The following ARSB variants were observed in gnomAD, a reference collection of about 807,000 sequenced individuals.
The protein encoded by ARSB is N-acetylgalactosamine-4-sulfatase.
In ARSB, 41 loss-of-function variants were observed where a neutral mutation model predicts 50.9. The observed-to-expected ratio is 0.81, with a 90% CI of 0.63 to 1.04. The LOEUF (loss-of-function observed/expected upper bound fraction) is 1.04. Among genes scored for constraint, ARSB ranks in the 50% least tolerant of loss-of-function variants. The probability of loss-of-function intolerance (pLI) is 0.00; values close to 1 mark genes in which losing one functional copy is unlikely to be tolerated. For missense variants in ARSB, 672 were observed against 693.3 expected (o/e 0.97, Z 0.35); for synonymous variants, 269 against 284.8 (o/e 0.94, Z 0.56).
intron 3 of ARSB, among the ~76,000 whole-genome samples, chr5:78,960,958 G>A (rs1215992866): frequency 6.6e-6 from 1 of 152,210 alleles, no homozygotes; most frequent in Non-Finnish European, 1.5e-5. Flanking sequence ...CTGAAAAAGA[G>A]AAAGAAGGTT....
intron 5 of ARSB, among the ~76,000 whole-genome samples, chr5:78,864,711 T>A (rs1311624048): frequency 6.6e-6 from 1 of 152,246 alleles, no homozygotes; most frequent in African/African-American, 2.4e-5. Flanking sequence ...CTTATGCCTA[T>A]GAGCCTGTAA....
chr5:78,968,028 T>G (rs1202588634), intron 2 of ARSB, among the ~76,000 whole-genome samples: 5 of 152,152 alleles, frequency 3.3e-5, no homozygotes, highest in African/African-American at 1.2e-4. Flanking sequence ...TAAAACAAAC[T>G]CTAGGTTTCA....
intron 6 of ARSB, among the ~76,000 whole-genome samples, chr5:78,795,973 G>A (rs1232441638): frequency 6.6e-6 from 1 of 152,234 alleles, no homozygotes; most frequent in African/African-American, 2.4e-5. Flanking sequence ...TGCATAGTAA[G>A]TATTCAGAGA....
chr5:78,922,181 G>A (rs1749846553), intron 4 of ARSB, among the ~76,000 whole-genome samples: 1 of 145,420 alleles, frequency 6.9e-6, no homozygotes, highest in Non-Finnish European at 1.5e-5. Flanking sequence ...ACCATGCTGG[G>A]CTTAGAGCCA....
At chr5:78,851,061 C>T (rs1198853650) in intron 5 of ARSB, among the ~76,000 whole-genome samples, 1 of 152,212 alleles carries the variant, frequency 6.6e-6, no homozygotes, top group Non-Finnish European at 1.5e-5. Flanking sequence ...CTATCTCCTT[C>T]AGTTCTGCTC....
intron 4 of ARSB, among the ~76,000 whole-genome samples, chr5:78,950,802 C>T (rs1447034611): frequency 2.0e-5 from 3 of 152,220 alleles, no homozygotes; most frequent in African/African-American, 7.2e-5. Flanking sequence ...GACGGCCACA[C>T]ATTCTGTGTG....
rs1751683838 is a variant in ARSB, at chr5:78,955,501, G to A, written c.692C>T (p.Pro231Leu). 1.9e-6 allele frequency: 3 copies of A among 1,613,730 alleles called. No individual in the cohort carries two copies. Among genetic ancestry groups the A allele is most frequent in the Non-Finnish European group, 2.5e-6 (3 of 1,179,842 alleles). Residue 231 changes from proline (P) to leucine (L), a missense_variant and splice_region_variant, in exon 4 of 8, where the codon CCT (proline) becomes CTT (leucine). Physicochemically the swap from Pro to Leu is moderately conservative, Grantham distance 98. Transcript: ENST00000264914. ...CTGGAGAGCAAGGTAGAGAAACAGA[G>A]GCTGGAAAGAAAGTTTGTGCAAACC... ...ALITNHPPEK[P>L]LFLYLALQSV...
intron 6 of ARSB, among the ~76,000 whole-genome samples, chr5:78,814,250 G>C (rs1263710906): frequency 6.0e-5 from 9 of 150,970 alleles, no homozygotes; most frequent in Non-Finnish European, 1.3e-4. Flanking sequence ...ATGCCATTTG[G>C]AGTCTATACA....
At chr5:78,972,715 G>A (rs1752508064) in intron 1 of ARSB, among the ~76,000 whole-genome samples, 1 of 152,184 alleles carries the variant, frequency 6.6e-6, no homozygotes, top group African/African-American at 2.4e-5. Flanking sequence ...TAAATGCTCT[G>A]CGAAAATTCC....
At chr5:78,972,825 G>A (rs769139180) in intron 1 of ARSB, among the ~76,000 whole-genome samples, 12 of 152,164 alleles carry the variant, frequency 7.9e-5, no homozygotes, top group Admixed American at 5.2e-4. Context: ...CTAAGCCGTG[G>A]GCACCAAGCC....
chr5:78,788,256 T>C (rs1238889030), intron 6 of ARSB, among the ~76,000 whole-genome samples: 1 of 152,198 alleles, frequency 6.6e-6, no homozygotes, highest in Non-Finnish European at 1.5e-5. Flanking sequence ...GTATTGATTT[T>C]GGATGGGAAA....
chr5:78,931,186 G>A (rs561297255), intron 4 of ARSB, among the ~76,000 whole-genome samples: 135 of 152,314 alleles, frequency 8.9e-4, no homozygotes, highest in African/African-American at 3.1e-3. Flanking sequence ...CACAAGGAGA[G>A]TAAAATGGGA....
rs77073236 is a variant in ARSB, at chr5:78,799,962, G to A, written c.1214-17988C>T. Among the ~76,000 whole-genome samples, 221 of 152,270 alleles carry A rather than the reference G, an allele frequency of 1.5e-3. 7 individuals carry two copies. The East Asian group carries it at 0.038, about 26-fold the overall frequency. On this transcript the variant is annotated intron_variant, in intron 6 of 7. Transcript: ENST00000264914. ...AAGAAGGATTGTGAATGAAAAAGTG[G>A]GAATATTTGTAAGCAAACAATCTGT...
intron 2 of ARSB, among the ~76,000 whole-genome samples, chr5:78,967,000 C>A (rs748904289): frequency 1.4e-4 from 21 of 151,306 alleles, no homozygotes; most frequent in Non-Finnish European, 2.6e-4. Flanking sequence ...GGGGCACACA[C>A]ACCCTCCTGT....
intron 6 of ARSB, among the ~76,000 whole-genome samples, chr5:78,838,224 G>A (rs1439070225): frequency 6.6e-6 from 1 of 152,170 alleles, no homozygotes; most frequent in Non-Finnish European, 1.5e-5. Flanking sequence ...CTGGGGCTCT[G>A]GAAAGCATTC....
chr5:78,824,631 A>G (rs1476725442), intron 6 of ARSB, among the ~76,000 whole-genome samples: 1 of 152,198 alleles, frequency 6.6e-6, no homozygotes, highest in Non-Finnish European at 1.5e-5. Flanking sequence ...AGTTCCTAGG[A>G]TATACAGGAA....
intron 6 of ARSB, among the ~76,000 whole-genome samples, chr5:78,827,028 C>T (rs1419154195): frequency 1.3e-5 from 2 of 152,122 alleles, no homozygotes; most frequent in Non-Finnish European, 2.9e-5. Flanking sequence ...CAGCTGCATA[C>T]CTAGAACAGA....
At chr5:78,933,203 A>C (rs187402163) in intron 4 of ARSB, among the ~76,000 whole-genome samples, 2 of 152,328 alleles carry the variant, frequency 1.3e-5, no homozygotes, top group Non-Finnish European at 2.9e-5. Flanking sequence ...AAAAAGTATT[A>C]ATGCAAGTTC....
chr5:78,834,054 A>G (rs1484518623), intron 6 of ARSB, among the ~76,000 whole-genome samples: 1 of 152,164 alleles, frequency 6.6e-6, no homozygotes, highest in Non-Finnish European at 1.5e-5. Context: ...TGACTTTGAC[A>G]GGTTGATCTG....
Sources: allele counts gnomAD v4.1 joint callset (sites outside exome capture counted in the v4.1 genomes callset), GRCh38; gene constraint gnomAD v4.1.1; transcripts MANE v1.5; gene names NCBI Gene and HGNC (gene_info 2026-07-23, HGNC 2026-07-21).